ARHGEF11: variants seen among roughly 807,000 people sequenced by gnomAD.
ARHGEF11 encodes Rho guanine nucleotide exchange factor 11, also known as Rho guanine exchange factor (GEF) 11.
Under a neutral mutation model 193.7 loss-of-function variants are expected in ARHGEF11, and 55 were observed. The observed-to-expected ratio is 0.28, with a 90% CI of 0.23 to 0.36. The LOEUF (loss-of-function observed/expected upper bound fraction) is 0.36. Ranked by LOEUF, ARHGEF11 falls within the 10% of genes least tolerant of loss-of-function variation. The probability of loss-of-function intolerance (pLI) is 1.00; values close to 1 mark genes in which losing one functional copy is unlikely to be tolerated. For missense variants in ARHGEF11, 1,723 were observed against 2,005.6 expected, an observed-to-expected ratio of 0.86 and a Z score of 2.69; for synonymous variants, 693 against 768.0, an observed-to-expected ratio of 0.90 and a Z score of 1.62.
At chr1:157,004,785 C>A (rs1225094282) in intron 1 of ARHGEF11, among the ~76,000 whole-genome samples, 1 of 152,156 alleles carries the variant, frequency 6.6e-6, no homozygotes, top group African/African-American at 2.4e-5. Context: ...CCTTTACATC[C>A]CACAAAGATG....
At chr1:156,998,597 C>T (rs546445257) in intron 1 of ARHGEF11, among the ~76,000 whole-genome samples, 1 of 152,304 alleles carries the variant, frequency 6.6e-6, no homozygotes, top group African/African-American at 2.4e-5. Context: ...ATGGCTGGCA[C>T]TCTGCAGTAC....
intron 1 of ARHGEF11, among the ~76,000 whole-genome samples, chr1:156,991,391 C>A (rs1665673872): frequency 6.6e-6 from 1 of 152,208 alleles, no homozygotes; most frequent in Admixed American, 6.5e-5. Flanking sequence ...ACAATTACAG[C>A]TCACTGCAAC....
chr1:156,936,166 C>G (rs1571098110), intron 40 of ARHGEF11, 108 bp from the exon 41 acceptor site: 1 of 1,162,034 alleles, frequency 8.6e-7, no homozygotes, highest in East Asian at 2.3e-5. Flanking sequence ...CATCACCTTC[C>G]TTCTCCTCCA....
intron 1 of ARHGEF11, among the ~76,000 whole-genome samples, chr1:156,998,650 C>T (rs181807824): frequency 1.6e-4 from 24 of 152,306 alleles, no homozygotes; most frequent in African/African-American, 5.8e-4. Flanking sequence ...CTAAGTCAGA[C>T]ACAATTAGTA....
chr1:157,045,855 G>A (rs201762287), upstream of ARHGEF11, among the ~76,000 whole-genome samples: 4 of 151,072 alleles, frequency 2.6e-5, no homozygotes, highest in East Asian at 7.8e-4. Context: ...TTCCCTGCGA[G>A]CCTTTCTCCT....
At chr1:157,046,378 C>G (rs1376127934), upstream of ARHGEF11, among the ~76,000 whole-genome samples, 1 of 152,228 alleles carries the variant, frequency 6.6e-6, no homozygotes, top group African/African-American at 2.4e-5. Flanking sequence ...GTGCCCCTGC[C>G]CACGGGTGCA....
At chr1:156,945,349 C>T in intron 29 of ARHGEF11, 152 bp from the exon 30 acceptor site, 1 of 742,388 alleles carries the variant, frequency 1.3e-6, no homozygotes, top group Non-Finnish European at 2.2e-6. Context: ...CACATGAGGA[C>T]CCCAAGTGGT....
At chr1:156,942,013 G>C (rs1419789039) in intron 33 of ARHGEF11, 24 bp from the exon 34 acceptor site, 1 of 1,613,982 alleles carries the variant, frequency 6.2e-7, no homozygotes, top group Non-Finnish European at 8.5e-7. Context: ...GGAACAGAGA[G>C]GACTGTAGTG....
chr1:157,023,436 ATAC>A (rs1670234176), intron 1 of ARHGEF11, among the ~76,000 whole-genome samples: 1 of 152,210 alleles, frequency 6.6e-6, no homozygotes, highest in African/African-American at 2.4e-5. Flanking sequence ...AAACCATGAG[ATAC>A]TACTTTATGC....
intron 17 of ARHGEF11, 45 bp from the exon 18 acceptor site, chr1:156,957,860 G>T (rs1176658845): frequency 6.2e-7 from 1 of 1,608,590 alleles, no homozygotes. Flanking sequence ...CAAAGACAGA[G>T]GCTGGTCACC....
Position 156,941,887 on chromosome 1 carries a change from G to C in ARHGEF11, c.3429C>G (p.Ala1143=). Residue 1143 remains alanine, a synonymous_variant, in exon 34 of 41, where the codon GCC becomes GCG. Transcript: ENST00000368194. The stretch of plus-strand genomic sequence containing the variant: ...ACCTGCTGGGTGTGGGGCCCTGCTG[G>C]GCTGGCTCCCGGGGACCTGGGGGTG... ...HPPPPGPREP[A]QQGPTPSRVE... is the part of the protein sequence containing the mutation. The C allele has an allele frequency of 6.2e-7, 1 of 1,612,718 alleles. No homozygotes were observed. Among genetic ancestry groups the C allele is most frequent in the Non-Finnish European group, 8.5e-7 (1 of 1,179,366 alleles).
chr1:156,969,525 C>A (rs1423192720), intron 9 of ARHGEF11, among the ~76,000 whole-genome samples, 167 bp from the exon 10 acceptor site: 1 of 152,184 alleles, frequency 6.6e-6, no homozygotes, highest in Non-Finnish European at 1.5e-5. Context: ...TCGGACACTT[C>A]CCGGCACACC....
At chr1:156,971,665 G>T in intron 8 of ARHGEF11, 32 bp downstream of exon 8, 1 of 1,603,462 alleles carries the variant, frequency 6.2e-7, no homozygotes, top group Non-Finnish European at 8.5e-7. Flanking sequence ...TACTGCATGT[G>T]CCCTTACTAG....
rs1334599671 is a variant in ARHGEF11, at chr1:156,939,545, T to C, written c.4096+3A>G. The C allele has an allele frequency of 6.2e-7, 1 of 1,610,134 alleles. No homozygotes were observed. Among genetic ancestry groups the C allele is most frequent in the African/African-American group, 1.3e-5 (1 of 75,044 alleles). ...CCCCACTGGACACTCCCATTTATTT[T>C]ACCTTTTCTCACAACTTTGTAACCT... is the stretch of plus-strand genomic sequence containing the variant. On this transcript the variant is annotated splice_donor_region_variant and intron_variant, in intron 37 of 40. Transcript: ENST00000368194.
chr1:156,946,870 T>G, intron 27 of ARHGEF11, 66 bp downstream of exon 27: 1 of 1,613,448 alleles, frequency 6.2e-7, no homozygotes, highest in Non-Finnish European at 8.5e-7. Flanking sequence ...TTCTCTGGCC[T>G]TGGGTAATGA....
At chr1:156,936,326 A>C (rs1655110307) in intron 40 of ARHGEF11, 1 of 612,556 alleles carries the variant, frequency 1.6e-6, no homozygotes, top group Non-Finnish European at 3.1e-6. Flanking sequence ...TGTGGTTCTG[A>C]ATCATTTAAT....
rs76570981 is a variant in ARHGEF11, at chr1:156,962,493, C to T, written c.1140+710G>A. ...ATTCCTTCTTGTCATCACCTTCACA[C>T]GGAAGACCCTTTAAGCCTTGCCATC... On this transcript the variant is annotated intron_variant, in intron 13 of 40. Transcript: ENST00000368194. Among the ~76,000 whole-genome samples the T allele has an allele frequency of 4.3e-3, 657 of 152,264 alleles. 2 individuals carry two copies. The highest frequency in any genetic ancestry group is 0.015 in the African/African-American group (630 of 41,536).
intron 1 of ARHGEF11, among the ~76,000 whole-genome samples, chr1:157,005,531 T>C (rs1403246573): frequency 2.6e-5 from 4 of 152,216 alleles, no homozygotes; most frequent in African/African-American, 4.8e-5. Context: ...CCCAGAATTC[T>C]GGTTGACAGA....
intron 1 of ARHGEF11, among the ~76,000 whole-genome samples, chr1:157,019,507 A>G (rs1479185757): frequency 6.6e-6 from 1 of 152,224 alleles, no homozygotes; most frequent in Admixed American, 6.5e-5. Flanking sequence ...ACACACATTT[A>G]TCATATGACC....
Sources: allele counts gnomAD v4.1 joint callset (sites outside exome capture counted in the v4.1 genomes callset), GRCh38; gene constraint gnomAD v4.1.1; transcripts MANE v1.5; gene names NCBI Gene and HGNC (gene_info 2026-07-23, HGNC 2026-07-21).